The following GPAM variants were observed in gnomAD, a reference collection of about 807,000 sequenced individuals.
GPAM encodes the protein glycerol-3-phosphate acyltransferase, mitochondrial, also known as glycerol-3-phosphate acyltransferase 1, mitochondrial.
In GPAM, 56 loss-of-function variants were observed where a neutral mutation model predicts 105.0. The observed-to-expected ratio is 0.53, with a 90% CI of 0.43 to 0.67. The LOEUF (loss-of-function observed/expected upper bound fraction) is 0.67, where lower values mean the gene tolerates loss of function less well. Among genes scored for constraint, GPAM ranks in the 30% least tolerant of loss-of-function variants. GPAM has a pLI of 0.00. For synonymous variants in GPAM, 368 were observed against 354.4 expected (o/e 1.04, Z -0.43); for missense variants, 855 against 989.8 (o/e 0.86, Z 1.83).
rs549741129 is a variant in GPAM at position 112,214,944 on chromosome 10, G to A, written n.210+224C>T. ...CAGATGTGAATGTTACATCACAAAC[G>A]TGCTTGCACCTCTTGTCAGCTGCAA... On this transcript the variant is annotated intron_variant and non_coding_transcript_variant, in intron 1 of 3. Coordinates refer to the GPAM transcript ENST00000480130. Among the ~76,000 whole-genome samples the A allele has an allele frequency of 2.6e-5, 4 of 152,308 alleles. No individual in the cohort carries two copies. The East Asian group carries it at 5.8e-4, about 22-fold the overall frequency.
At chr10:112,160,964 T>C in intron 15 of GPAM, 96 bp from the exon 16 acceptor site, 1 of 1,035,864 alleles carries the variant, frequency 9.7e-7, no homozygotes, top group South Asian at 1.3e-5. Context: ...TGCCTTGGCT[T>C]TCCTGCAGCT....
chr10:112,168,531 T>C lies in GPAM; in HGVS notation c.895-7A>G, dbSNP rs1220208591. 6.4e-7 allele frequency: 1 copy of C among 1,572,422 alleles called. No homozygotes were observed. The highest frequency in any genetic ancestry group is 1.1e-5 in the South Asian group (1 of 90,266). On this transcript the variant is annotated splice_polypyrimidine_tract_variant and splice_region_variant and intron_variant, in intron 10 of 21. Transcript: ENST00000348367. ...GAAGTAATTCAACTATATGCTGGGATATAAGAAGAAAGTAAAACATACATT... is the reference window on the plus strand; with the variant it reads ...GAAGTAATTCAACTATATGCTGGGACATAAGAAGAAAGTAAAACATACATT...
chr10:112,212,319 G>A (rs1847919772), intron 1 of GPAM, among the ~76,000 whole-genome samples: 1 of 152,170 alleles, frequency 6.6e-6, no homozygotes, highest in Non-Finnish European at 1.5e-5. Flanking sequence ...CTGGAGTGCA[G>A]TGGTGCGATC....
chr10:112,203,073 G>A (rs1480638691), intron 1 of GPAM, among the ~76,000 whole-genome samples: 1 of 152,146 alleles, frequency 6.6e-6, no homozygotes, highest in Non-Finnish European at 1.5e-5. Context: ...GAGCTGGAGT[G>A]TAGAGGACAG....
At chr10:112,191,391 C>T (rs1366234750) in intron 1 of GPAM, among the ~76,000 whole-genome samples, 6 of 152,176 alleles carry the variant, frequency 3.9e-5, no homozygotes, top group South Asian at 4.1e-4. Context: ...TAGTATTTCA[C>T]GCTTCTAGCC....
chr10:112,182,128 A>G (rs1489470143), intron 2 of GPAM, among the ~76,000 whole-genome samples: 1 of 152,206 alleles, frequency 6.6e-6, no homozygotes, highest in Non-Finnish European at 1.5e-5. Flanking sequence ...CATAGTATGC[A>G]AACAAAATAG....
At chr10:112,192,054 CCCAGGG>C (rs1159021044) in intron 1 of GPAM, among the ~76,000 whole-genome samples, 1 of 152,158 alleles carries the variant, frequency 6.6e-6, no homozygotes, top group Non-Finnish European at 1.5e-5. Flanking sequence ...CCTGAGCCGA[CCCAGGG>C]CCTCTGCTTG....
intron 1 of GPAM, among the ~76,000 whole-genome samples, chr10:112,190,384 A>C (rs767460230): frequency 6.6e-6 from 1 of 152,028 alleles, no homozygotes; most frequent in Non-Finnish European, 1.5e-5. Flanking sequence ...GTGTGCCTGT[A>C]ATACCAGCTG....
At chr10:112,176,753 T>C (rs1342396952) in intron 5 of GPAM, among the ~76,000 whole-genome samples, 2 of 152,258 alleles carry the variant, frequency 1.3e-5, no homozygotes, top group African/African-American at 2.4e-5. Flanking sequence ...TGTGTGTGTG[T>C]GCGCACATGT....
chr10:112,157,496 T>C, intron 18 of GPAM, 107 bp from the exon 19 acceptor site: 1 of 1,012,230 alleles, frequency 9.9e-7, no homozygotes, highest in Non-Finnish European at 1.5e-6. Flanking sequence ...TTCCTGGCTC[T>C]TCTCTGTTTA....
intron 17 of GPAM, 22 bp downstream of exon 17, chr10:112,159,889 A>G: frequency 2.5e-6 from 4 of 1,611,794 alleles, no homozygotes; most frequent in Non-Finnish European, 3.4e-6. Context: ...AGACCAGGCA[A>G]CACTGAAGGG....
the GPAM span, among the ~76,000 whole-genome samples, chr10:112,220,609 T>A: frequency 5.9e-5 from 9 of 152,140 alleles, no homozygotes; most frequent in African/African-American, 2.2e-4. Context: ...TTTGTGGTGA[T>A]CTTCTTATTG....
intron 8 of GPAM, among the ~76,000 whole-genome samples, chr10:112,172,561 T>C (rs1471830661): frequency 6.6e-6 from 1 of 152,206 alleles, no homozygotes; most frequent in Non-Finnish European, 1.5e-5. Flanking sequence ...AGTTGACCTA[T>C]ACCCTTTCTG....
intron 1 of GPAM, among the ~76,000 whole-genome samples, chr10:112,192,753 CAT>C (rs1449263206): frequency 3.9e-5 from 6 of 152,222 alleles, no homozygotes; most frequent in African/African-American, 7.2e-5. Flanking sequence ...AAAATTCTGA[CAT>C]GTGTCATAAA....
intron 6 of GPAM, among the ~76,000 whole-genome samples, chr10:112,174,085 T>A (rs908221537): frequency 5.3e-5 from 8 of 150,922 alleles, no homozygotes; most frequent in African/African-American, 1.9e-4. Flanking sequence ...ACTAAGAATT[T>A]AATTCAAATT....
chr10:112,163,171 C>A (rs748391709), intron 14 of GPAM, among the ~76,000 whole-genome samples: 1 of 152,202 alleles, frequency 6.6e-6, no homozygotes, highest in Non-Finnish European at 1.5e-5. Context: ...ACTCACACTC[C>A]TCTCCTCTCT....
Position 112,152,250 on chromosome 10 carries a change from C to T in GPAM, c.*1300G>A, listed in dbSNP as rs1009077355. 1 of 976,582 alleles carries T rather than the reference C, an allele frequency of 1.0e-6. No homozygotes were observed. The highest frequency in any genetic ancestry group is 1.8e-5 in the African/African-American group (1 of 56,898). 60.5% of individuals were successfully genotyped at this position (976,582 alleles called of 1,614,324 possible). ...ACTGTTAGAAAACGTTTTAACATTA[C>T]ATGATATTTAAAAAATCACCATAAT... is the stretch of plus-strand genomic sequence containing the variant. On this transcript the variant is annotated 3_prime_UTR_variant, in exon 22 of 22. Coordinates refer to ENST00000348367, the MANE Select transcript of GPAM (RefSeq NM_001244949.2).
At chr10:112,202,639 C>T (rs564602333) in intron 1 of GPAM, among the ~76,000 whole-genome samples, 1 of 152,284 alleles carries the variant, frequency 6.6e-6, no homozygotes, top group Non-Finnish European at 1.5e-5. Flanking sequence ...CATAATTTTA[C>T]ATGCTGACAC....
chr10:112,160,687 G>A lies in GPAM; in HGVS notation c.1676C>T (p.Pro559Leu). The change falls in exon 16 of 22, where the codon CCC (proline) becomes CTC (leucine). Residue 559 changes from proline (P) to leucine (L), a missense_variant. Pro to Leu is a moderately conservative substitution (Grantham distance 98, BLOSUM62 -3). Transcript: ENST00000348367. Reference sequence around the variant, plus strand: ...GAAGACTGATGGGACAGTTGTGCTGGGGGTGATAAAAAACTCATCGTTCCT... The same window carrying A: ...GAAGACTGATGGGACAGTTGTGCTGAGGGTGATAAAAAACTCATCGTTCCT... ...TSRNDEFFIT[P>L]STTVPSVFEL... 6.2e-7 allele frequency: 1 copy of A among 1,613,686 alleles called. No individual in the cohort carries two copies.
Sources: allele counts gnomAD v4.1 joint callset (sites outside exome capture counted in the v4.1 genomes callset), GRCh38; gene constraint gnomAD v4.1.1; transcripts MANE v1.5; gene names NCBI Gene and HGNC (gene_info 2026-07-23, HGNC 2026-07-21).